The following CNTN5 variants were observed in gnomAD, a reference collection of about 807,000 sequenced individuals.
CNTN5 encodes the protein contactin-5.
CNTN5 carries 77 observed loss-of-function variants against 129.1 expected under a neutral mutation model. The observed-to-expected ratio is 0.60, with a 90% CI of 0.50 to 0.72. CNTN5 has a LOEUF of 0.72. Ranked by LOEUF, CNTN5 falls within the 30% of genes least tolerant of loss-of-function variation. The probability of loss-of-function intolerance (pLI) is 0.00; values close to 1 mark genes in which losing one functional copy is unlikely to be tolerated. For synonymous variants in CNTN5, 509 were observed against 465.6 expected (o/e 1.09, Z -1.20); for missense variants, 1,478 against 1,328.8 (o/e 1.11, Z -1.75).
intron 3 of CNTN5, 73 bp from the exon 4 acceptor site, chr11:99,819,471 A>T: frequency 2.2e-6 from 3 of 1,352,444 alleles, no homozygotes; most frequent in Non-Finnish European, 3.1e-6. Flanking sequence ...GTCTTCAAAG[A>T]AACAATCTTC....
chr11:99,063,820 C>G (rs1255575254), intron 1 of CNTN5, among the ~76,000 whole-genome samples: 27 of 152,068 alleles, frequency 1.8e-4, no homozygotes, highest in Admixed American at 1.6e-3. Context: ...TTTCATATCT[C>G]TCTAGACCCC....
intron 9 of CNTN5, among the ~76,000 whole-genome samples, chr11:100,037,140 T>C (rs1081347): frequency 0.43 from 62,317 of 143,646 alleles, 14,342 homozygotes; most frequent in African/African-American, 0.56. Flanking sequence ...TGAGATACGT[T>C]CCATCAATAC....
At chr11:99,719,376 C>A (rs535035455) in intron 3 of CNTN5, among the ~76,000 whole-genome samples, 1 of 152,062 alleles carries the variant, frequency 6.6e-6, no homozygotes, top group Non-Finnish European at 1.5e-5. Flanking sequence ...GAAGGCCACT[C>A]TTTCCTTAGG....
chr11:99,165,102 TG>T (rs1326761789), intron 1 of CNTN5, among the ~76,000 whole-genome samples: 1 of 152,200 alleles, frequency 6.6e-6, no homozygotes, highest in Non-Finnish European at 1.5e-5. Context: ...AATGCATTTT[TG>T]GTACTAGAAT....
chr11:99,383,662 T>C (rs1591605043), intron 2 of CNTN5, among the ~76,000 whole-genome samples: 1 of 151,840 alleles, frequency 6.6e-6, no homozygotes, highest in African/African-American at 2.4e-5. Context: ...TTCTGAGGAG[T>C]ACCTATAATT....
At chr11:99,881,404 A>C (rs930023203) in intron 6 of CNTN5, among the ~76,000 whole-genome samples, 2 of 152,208 alleles carry the variant, frequency 1.3e-5, no homozygotes, top group Non-Finnish European at 2.9e-5. Flanking sequence ...TGATTTATGT[A>C]AGTGATATTT....
At chr11:99,887,462 T>C (rs1295975047) in intron 6 of CNTN5, among the ~76,000 whole-genome samples, 1 of 152,222 alleles carries the variant, frequency 6.6e-6, no homozygotes, top group Non-Finnish European at 1.5e-5. Context: ...TCCTAGTGTA[T>C]TAGTCAGGGT....
At chr11:99,916,595 T>C (rs1399025596) in intron 7 of CNTN5, among the ~76,000 whole-genome samples, 19 of 152,120 alleles carry the variant, frequency 1.2e-4, no homozygotes, top group Non-Finnish European at 7.4e-5. Flanking sequence ...AAGAAATGCT[T>C]TTTTTGAGTT....
chr11:100,297,601 C>T (rs1951123629), intron 18 of CNTN5, 24 bp from the exon 19 acceptor site: 1 of 1,586,444 alleles, frequency 6.3e-7, no homozygotes, highest in South Asian at 1.1e-5. Flanking sequence ...TTTCTCCTCA[C>T]TCTCCACCCA....
At chr11:99,153,966 G>C (rs1489506564) in intron 1 of CNTN5, among the ~76,000 whole-genome samples, 1 of 152,082 alleles carries the variant, frequency 6.6e-6, no homozygotes, top group East Asian at 1.9e-4. Context: ...TGGGGAGTTG[G>C]TAATGTGCTC....
chr11:99,215,901 T>C (rs954609457), intron 1 of CNTN5, among the ~76,000 whole-genome samples: 1 of 152,124 alleles, frequency 6.6e-6, no homozygotes, highest in African/African-American at 2.4e-5. Flanking sequence ...TAATCGTCAG[T>C]GCATAATGGT....
chr11:99,394,342 T>A (rs1941412145), intron 2 of CNTN5, among the ~76,000 whole-genome samples: 1 of 151,624 alleles, frequency 6.6e-6, no homozygotes, highest in Admixed American at 6.6e-5. Flanking sequence ...TAATGTATCT[T>A]TGTAACATTA....
At chr11:99,199,593 A>C (rs549390338) in intron 1 of CNTN5, among the ~76,000 whole-genome samples, 18 of 152,308 alleles carry the variant, frequency 1.2e-4, no homozygotes, top group African/African-American at 4.3e-4. Context: ...TGCTTCACAC[A>C]GTCTCCTATT....
At chr11:99,955,336 T>C (rs1950772983) in intron 7 of CNTN5, among the ~76,000 whole-genome samples, 1 of 151,826 alleles carries the variant, frequency 6.6e-6, no homozygotes, top group African/African-American at 2.4e-5. Flanking sequence ...ATGGAGTTCC[T>C]TCATTCCTTT....
At chr11:99,465,745 G>T (rs533214158) in intron 2 of CNTN5, among the ~76,000 whole-genome samples, 1 of 152,038 alleles carries the variant, frequency 6.6e-6, no homozygotes, top group Non-Finnish European at 1.5e-5. Context: ...GGTGCCGCAG[G>T]CTGCACAGGA....
chr11:99,484,788 G>A (rs146324696), intron 2 of CNTN5, among the ~76,000 whole-genome samples: 1 of 151,804 alleles, frequency 6.6e-6, no homozygotes, highest in African/African-American at 2.4e-5. Context: ...GGAACAGAAA[G>A]TTAAACACCA....
intron 13 of CNTN5, among the ~76,000 whole-genome samples, chr11:100,167,165 ACT>A (rs1316068625): frequency 6.6e-6 from 1 of 151,736 alleles, no homozygotes; most frequent in Non-Finnish European, 1.5e-5. Flanking sequence ...AAAACAGTAC[ACT>A]GAGTTTAATA....
intron 3 of CNTN5, among the ~76,000 whole-genome samples, chr11:99,647,901 T>C (rs1228059966): frequency 6.6e-6 from 1 of 151,996 alleles, no homozygotes; most frequent in Non-Finnish European, 1.5e-5. Context: ...CTTGATCAAA[T>C]GTATTTATCA....
chr11:99,918,263 A>G (rs1168860002), intron 7 of CNTN5, among the ~76,000 whole-genome samples: 1 of 152,154 alleles, frequency 6.6e-6, no homozygotes, highest in African/African-American at 2.4e-5. Flanking sequence ...CCTAATCACA[A>G]TATAGATCCA....
Sources: allele counts gnomAD v4.1 joint callset (sites outside exome capture counted in the v4.1 genomes callset), GRCh38; gene constraint gnomAD v4.1.1; transcripts MANE v1.5; gene names NCBI Gene and HGNC (gene_info 2026-07-23, HGNC 2026-07-21).